Variants in AGBL3 observed in about 807,000 individuals in gnomAD.
AGBL3 encodes AGBL carboxypeptidase 3.
AGBL3 carries 68 observed loss-of-function variants against 94.5 expected under a neutral mutation model. The ratio of observed to expected loss-of-function variants is 0.72; its 90% CI spans 0.59 to 0.88. AGBL3 has a LOEUF of 0.88. Among genes scored for constraint, AGBL3 ranks in the 40% least tolerant of loss-of-function variants. The pLI is 0.00. For missense variants in AGBL3, 934 were observed against 1,103.8 expected, an observed-to-expected ratio of 0.85 and a Z score of 2.18; for synonymous variants, 354 against 370.7, an observed-to-expected ratio of 0.95 and a Z score of 0.52.
intron 7 of AGBL3, among the ~76,000 whole-genome samples, chr7:135,035,858 TG>T: frequency 6.6e-6 from 1 of 152,158 alleles, no homozygotes; most frequent in Non-Finnish European, 1.5e-5. Flanking sequence ...GAACTTAACT[TG>T]ATATTCATGC....
intron 8 of AGBL3, among the ~76,000 whole-genome samples, chr7:135,040,111 G>T (rs1321166632): frequency 2.0e-5 from 3 of 152,160 alleles, no homozygotes; most frequent in Non-Finnish European, 4.4e-5. Context: ...CAACTTAGAT[G>T]AAATGAACCA....
intron 12 of AGBL3, among the ~76,000 whole-genome samples, chr7:135,070,307 C>T (rs966894293): frequency 1.3e-5 from 2 of 152,202 alleles, no homozygotes; most frequent in African/African-American, 2.4e-5. Context: ...CAAGGAGGAG[C>T]TGGTACCATT....
intron 7 of AGBL3, among the ~76,000 whole-genome samples, chr7:135,035,423 C>T (rs112914056): frequency 5.7e-4 from 86 of 152,024 alleles, no homozygotes; most frequent in African/African-American, 1.9e-3. Flanking sequence ...TATCTTAATC[C>T]GGTTAATCAT....
At chr7:134,996,388 C>T (rs748807499) in intron 4 of AGBL3, among the ~76,000 whole-genome samples, 6 of 152,096 alleles carry the variant, frequency 3.9e-5, no homozygotes, top group South Asian at 2.1e-4. Flanking sequence ...ACTGGCCATG[C>T]GGGGGACATG....
chr7:135,120,518 C>A (rs1826990966), intron 16 of AGBL3, among the ~76,000 whole-genome samples: 1 of 152,086 alleles, frequency 6.6e-6, no homozygotes. Flanking sequence ...GTTCACATTA[C>A]CCACAGGAAG....
intron 8 of AGBL3, among the ~76,000 whole-genome samples, 156 bp downstream of exon 8, chr7:135,037,736 A>T (rs140023956): frequency 2.6e-5 from 4 of 152,300 alleles, no homozygotes; most frequent in African/African-American, 7.2e-5. Flanking sequence ...ACTATATAGA[A>T]CTACTTAGTG....
At chr7:135,067,808 T>C (rs1257359921) in intron 12 of AGBL3, among the ~76,000 whole-genome samples, 1 of 151,982 alleles carries the variant, frequency 6.6e-6, no homozygotes, top group Admixed American at 6.6e-5. Context: ...GCAGAAAAAC[T>C]GGAAACTCTA....
At chr7:135,091,158 A>C (rs1821799585) in intron 15 of AGBL3, among the ~76,000 whole-genome samples, 1 of 152,036 alleles carries the variant, frequency 6.6e-6, no homozygotes, top group African/African-American at 2.4e-5. Context: ...TGGTTGGAGG[A>C]TGGGGTGGTG....
chr7:135,086,401 A>C lies in AGBL3; in HGVS notation c.2110+4611A>C, dbSNP rs561974746. On this transcript the variant is annotated intron_variant, in intron 15 of 16. Coordinates refer to ENST00000436302, the MANE Select transcript of AGBL3 (RefSeq NM_178563.4). ...GCATCATTATCTTGTCCCACATCTT[A>C]GGGGAAAAGCTTTCAACTTTTCCTC... Among the ~76,000 whole-genome samples the C allele has an allele frequency of 1.2e-4, 19 of 152,086 alleles. No individual in the cohort carries two copies. The East Asian group carries it at 3.7e-3, about 29-fold the overall frequency.
At chr7:135,005,342 C>A (rs1002622203) in intron 4 of AGBL3, among the ~76,000 whole-genome samples, 5 of 151,706 alleles carry the variant, frequency 3.3e-5, no homozygotes, top group Admixed American at 6.6e-5. Flanking sequence ...ACGCATACCA[C>A]AATATAGAAC....
At chr7:135,107,165 T>C (rs957562413) in intron 15 of AGBL3, among the ~76,000 whole-genome samples, 1 of 151,862 alleles carries the variant, frequency 6.6e-6, no homozygotes, top group South Asian at 2.1e-4. Flanking sequence ...AAAAGCCAAC[T>C]CCTGGATTAA....
At chr7:135,025,983 A>G (rs1815049860) in intron 5 of AGBL3, among the ~76,000 whole-genome samples, 1 of 151,650 alleles carries the variant, frequency 6.6e-6, no homozygotes. Flanking sequence ...AGGAGACTTT[A>G]ACACCCCACT....
chr7:135,133,194 C>T (rs574571761), intron 16 of AGBL3, among the ~76,000 whole-genome samples: 1 of 152,128 alleles, frequency 6.6e-6, no homozygotes, highest in East Asian at 1.9e-4. Context: ...AACATGTGAA[C>T]ACCAAAATTA....
chr7:135,016,955 G>T, intron 4 of AGBL3, 97 bp from the exon 5 acceptor site: 1 of 791,270 alleles, frequency 1.3e-6, no homozygotes. Flanking sequence ...CTACATTTTA[G>T]CCTAGATCTA....
At chr7:135,021,570 G>A (rs997420862) in intron 5 of AGBL3, among the ~76,000 whole-genome samples, 1 of 151,962 alleles carries the variant, frequency 6.6e-6, no homozygotes, top group African/African-American at 2.4e-5. Context: ...GGGATTACAG[G>A]CGTGAGCCAC....
intron 6 of AGBL3, 109 bp from the exon 7 acceptor site, chr7:135,034,039 TA>T: frequency 9.5e-7 from 1 of 1,049,496 alleles, no homozygotes; most frequent in Non-Finnish European, 1.3e-6. Context: ...TGTGAATGAG[TA>T]AAAATAAAAT....
At chr7:135,107,143 A>AT (rs397720313) in intron 15 of AGBL3, among the ~76,000 whole-genome samples, 67,057 of 150,260 alleles carry the variant, frequency 0.45, 15,463 homozygotes, top group East Asian at 0.77. Flanking sequence ...TATATTATTG[A>AT]TTTTTTTTTC....
At chr7:135,098,947 CATT>C (rs1823343145) in intron 15 of AGBL3, among the ~76,000 whole-genome samples, 1 of 151,970 alleles carries the variant, frequency 6.6e-6, no homozygotes, top group South Asian at 2.1e-4. Context: ...AGGAGAGAAA[CATT>C]ATAAAAAAAT....
chr7:135,087,272 C>CA (rs1442789898), intron 15 of AGBL3, among the ~76,000 whole-genome samples: 2 of 150,400 alleles, frequency 1.3e-5, no homozygotes, highest in African/African-American at 2.4e-5. Flanking sequence ...TTTTATCTTT[C>CA]AAAAAAAACC....
Sources: allele counts gnomAD v4.1 joint callset (sites outside exome capture counted in the v4.1 genomes callset), GRCh38; gene constraint gnomAD v4.1.1; transcripts MANE v1.5; gene names NCBI Gene and HGNC (gene_info 2026-07-23, HGNC 2026-07-21).